The following UTRN variants were observed in gnomAD, a reference collection of about 807,000 sequenced individuals.
UTRN encodes dystrophin-related protein 1.
In UTRN, 283 loss-of-function variants were observed where a neutral mutation model predicts 463.9. The observed-to-expected ratio is 0.61, with a 90% CI of 0.55 to 0.67. The LOEUF is 0.67. Among genes scored for constraint, UTRN ranks in the 30% least tolerant of loss-of-function variants. The pLI is 0.00. For missense variants in UTRN, 3,922 were observed against 4,084.3 expected, an observed-to-expected ratio of 0.96 and a Z score of 1.08; for synonymous variants, 1,442 against 1,431.5, an observed-to-expected ratio of 1.01 and a Z score of -0.17.
intron 51 of UTRN, among the ~76,000 whole-genome samples, chr6:144,658,655 A>G (rs1009339582): frequency 2.0e-5 from 3 of 152,236 alleles, no homozygotes; most frequent in African/African-American, 7.2e-5. Context: ...CATCTTTATG[A>G]TGAAACTCTG....
chr6:144,448,639 C>A lies in UTRN; in HGVS notation c.1942C>A (p.Pro648Thr), dbSNP rs372021381. 1.9e-6 allele frequency: 3 copies of A among 1,613,816 alleles called. No individual in the cohort carries two copies. Among genetic ancestry groups the A allele is most frequent in the African/African-American group, 2.7e-5 (2 of 74,884 alleles). The change falls in exon 17 of 75, where the codon CCT (proline) becomes ACT (threonine). Residue 648 changes from proline (P) to threonine (T), a missense_variant. Pro to Thr is a conservative substitution (Grantham distance 38, BLOSUM62 -1). Around this residue, in one of 3 missense-constraint regions of UTRN, gnomAD observed 2,349 missense variants for 2,303.8 expected, o/e 1.02. Coordinates refer to ENST00000367545, the MANE Select transcript of UTRN (RefSeq NM_007124.3). ...AGCAAAGCTGGGGATGTCTCAGATT[C>A]CTCAGAAGGACCTTTTGGAGACTGT... ...AVAKLGMSQI[P>T]QKDLLETVRV... is the part of the protein sequence containing the mutation.
intron 1 of UTRN, among the ~76,000 whole-genome samples, chr6:144,287,052 C>A (rs1037957418): frequency 6.6e-6 from 1 of 152,096 alleles, no homozygotes; most frequent in Non-Finnish European, 1.5e-5. Flanking sequence ...CGGCAGCGAC[C>A]GCATCCATTC....
chr6:144,598,241 A>G lies in UTRN; in HGVS notation c.7479+20953A>G, dbSNP rs1021573355. Reference sequence around the variant, plus strand: ...TTAGGGAGAAAATAGACGTCCATCAATACGTGTAAGATGTACATTGGTTTG... The same window carrying G: ...TTAGGGAGAAAATAGACGTCCATCAGTACGTGTAAGATGTACATTGGTTTG... On this transcript the variant is annotated intron_variant, in intron 51 of 74. Coordinates refer to ENST00000367545, the MANE Select transcript of UTRN (RefSeq NM_007124.3). Among the ~76,000 whole-genome samples the G allele has an allele frequency of 2.6e-5, 4 of 152,218 alleles. No homozygotes were observed. In the East Asian group the frequency reaches 5.8e-4, roughly 22 times the overall value.
chr6:144,694,591 A>C (rs1326223623), intron 52 of UTRN, among the ~76,000 whole-genome samples: 1 of 151,936 alleles, frequency 6.6e-6, no homozygotes, highest in Admixed American at 6.6e-5. Flanking sequence ...CTGTTCAGGG[A>C]TTCAATCTTT....
intron 48 of UTRN, 34 bp downstream of exon 48, chr6:144,551,116 C>G (rs774491758): frequency 7.5e-7 from 1 of 1,333,656 alleles, no homozygotes; most frequent in Admixed American, 2.0e-5. Flanking sequence ...GTATTATCAT[C>G]CACTTTCCCT....
intron 39 of UTRN, among the ~76,000 whole-genome samples, chr6:144,518,697 T>C (rs189407078): frequency 2.8e-3 from 427 of 152,328 alleles, no homozygotes; most frequent in Admixed American, 7.3e-3. Context: ...GGGTCCGAAA[T>C]CAGAAATTAT....
intron 50 of UTRN, among the ~76,000 whole-genome samples, chr6:144,559,498 G>A (rs937722290): frequency 3.3e-5 from 5 of 152,022 alleles, no homozygotes; most frequent in African/African-American, 1.2e-4. Flanking sequence ...ATTTTAAATG[G>A]ACATCTTTGT....
intron 63 of UTRN, among the ~76,000 whole-genome samples, chr6:144,796,634 T>G (rs1777242313): frequency 6.6e-6 from 1 of 152,210 alleles, no homozygotes; most frequent in Admixed American, 6.5e-5. Context: ...TTTCATTTCT[T>G]TTTAATGTTT....
intron 51 of UTRN, among the ~76,000 whole-genome samples, chr6:144,605,752 CTTCAT>C (rs1804780819): frequency 6.8e-6 from 1 of 148,100 alleles, no homozygotes; most frequent in African/African-American, 2.5e-5. Context: ...AGTAAGAAAT[CTTCAT>C]TTCAGATTTT....
At chr6:144,739,471 T>G (rs184162781) in intron 54 of UTRN, among the ~76,000 whole-genome samples, 1 of 152,356 alleles carries the variant, frequency 6.6e-6, no homozygotes, top group East Asian at 1.9e-4. Flanking sequence ...TTAATAGAAG[T>G]AACTGGGCTA....
Position 144,774,147 on chromosome 6 carries a change from G to C in UTRN, c.8558-143G>C, listed in dbSNP as rs139724348. The C allele has an allele frequency of 4.0e-4, 303 of 761,116 alleles. 4 individuals carry two copies. The East Asian group carries it at 8.7e-3, about 22-fold the overall frequency. The allele number at this position is 761,116 out of a possible 1,614,324, so 47.1% of individuals were successfully genotyped here. ...ATCATTTAACTTTTTTCTTAAATAC[G>C]TGTTGGGGAATTTGGGAGAAGACTT... On this transcript the variant is annotated intron_variant, in intron 59 of 74. Coordinates refer to ENST00000367545, the MANE Select transcript of UTRN (RefSeq NM_007124.3).
At chr6:144,787,352 T>C (rs1029451385) in intron 61 of UTRN, among the ~76,000 whole-genome samples, 4 of 152,186 alleles carry the variant, frequency 2.6e-5, no homozygotes, top group African/African-American at 7.2e-5. Flanking sequence ...TTGTGAGAAA[T>C]GATTATATTA....
chr6:144,661,789 G>A (rs992125572), intron 51 of UTRN, among the ~76,000 whole-genome samples: 2 of 152,172 alleles, frequency 1.3e-5, no homozygotes, highest in Admixed American at 1.3e-4. Context: ...AGTCTTAAAA[G>A]TCTAGGTCAG....
At chr6:144,440,189 G>A (rs1390606807) in intron 12 of UTRN, among the ~76,000 whole-genome samples, 163 bp from the exon 13 acceptor site, 3 of 152,208 alleles carry the variant, frequency 2.0e-5, no homozygotes, top group Non-Finnish European at 1.5e-5. Flanking sequence ...ATGTAAAGAT[G>A]TATAATAGGA....
chr6:144,840,975 CATT>C, intron 73 of UTRN, 143 bp downstream of exon 73: 3 of 881,658 alleles, frequency 3.4e-6, no homozygotes, highest in Non-Finnish European at 5.1e-6. Context: ...ATAAGGCAAA[CATT>C]ATATAAGAAA....
chr6:144,557,007 C>A, intron 49 of UTRN, 150 bp from the exon 50 acceptor site: 1 of 934,090 alleles, frequency 1.1e-6, no homozygotes, highest in Non-Finnish European at 1.5e-6. Flanking sequence ...TTTAAGCTTA[C>A]ATATAACAAA....
intron 54 of UTRN, among the ~76,000 whole-genome samples, chr6:144,736,569 A>C (rs1336330376): frequency 6.6e-6 from 1 of 152,146 alleles, no homozygotes; most frequent in African/African-American, 2.4e-5. Context: ...CCTCCATACC[A>C]ATCTTATGCT....
chr6:144,581,623 A>G (rs1418855413), intron 51 of UTRN, among the ~76,000 whole-genome samples: 1 of 152,196 alleles, frequency 6.6e-6, no homozygotes, highest in Non-Finnish European at 1.5e-5. Flanking sequence ...TGCCTATCTC[A>G]TGGGGACTTC....
At chr6:144,453,338 G>T (rs1289054494) in intron 18 of UTRN, among the ~76,000 whole-genome samples, 2 of 152,130 alleles carry the variant, frequency 1.3e-5, no homozygotes, top group South Asian at 2.1e-4. Flanking sequence ...GGCCAGACTG[G>T]TCTCAAACTC....
Sources: allele counts gnomAD v4.1 joint callset (sites outside exome capture counted in the v4.1 genomes callset), GRCh38; gene constraint gnomAD v4.1.1; regional missense constraint gnomAD v4.1.1; transcripts MANE v1.5; gene names NCBI Gene and HGNC (gene_info 2026-07-23, HGNC 2026-07-21).